The following ACACB variants were observed in gnomAD, a reference collection of about 807,000 sequenced individuals.
The protein encoded by ACACB is acetyl-CoA carboxylase 2.
Under a neutral mutation model 278.8 loss-of-function variants are expected in ACACB, and 209 were observed. The observed-to-expected ratio is 0.75, with a 90% CI of 0.67 to 0.84. The LOEUF is 0.84. Among genes scored for constraint, ACACB ranks in the 40% least tolerant of loss-of-function variants. ACACB has a pLI of 0.00. For synonymous variants in ACACB, 1,174 were observed against 1,285.6 expected, an observed-to-expected ratio of 0.91 and a Z score of 1.86; for missense variants, 2,850 against 3,269.0, an observed-to-expected ratio of 0.87 and a Z score of 3.13.
chr12:109,145,704 T>A lies in ACACB; in HGVS notation c.653+5646T>A, dbSNP rs534035679. ...TCCAGGAACTCCTTCTGAAAAAAAA[T>A]ATTATTTTTCTTGAGGCCAGGCACG... On this transcript the variant is annotated intron_variant, in intron 2 of 52. Transcript: ENST00000338432. 2.0e-5 allele frequency among the ~76,000 whole-genome samples: 3 copies of A among 151,864 alleles called. No individual in the cohort carries two copies. The South Asian group carries it at 6.2e-4, about 32-fold the overall frequency.
intron 41 of ACACB, among the ~76,000 whole-genome samples, chr12:109,250,581 G>A (rs1158640911): frequency 6.6e-6 from 1 of 152,148 alleles, no homozygotes; most frequent in African/African-American, 2.4e-5. Context: ...ATAAGGAGTA[G>A]TCCCCATCCC....
chr12:109,128,424 G>A (rs996341159), intron 1 of ACACB, among the ~76,000 whole-genome samples: 2 of 151,858 alleles, frequency 1.3e-5, no homozygotes, highest in African/African-American at 4.8e-5. Context: ...TGCAACTTCC[G>A]CCTCCTGGGT....
intron 2 of ACACB, among the ~76,000 whole-genome samples, chr12:109,152,648 T>TTTC (rs1449839986): frequency 1.4e-4 from 17 of 125,382 alleles, no homozygotes; most frequent in Non-Finnish European, 2.2e-4. Flanking sequence ...TTCTTTTTTT[T>TTTC]TTTTTTTTTT....
intron 20 of ACACB, among the ~76,000 whole-genome samples, chr12:109,207,305 A>G (rs921207787): frequency 2.0e-5 from 3 of 152,200 alleles, no homozygotes; most frequent in Non-Finnish European, 2.9e-5. Context: ...CCTCAATTCA[A>G]TTGTAAACAT....
intron 21 of ACACB, among the ~76,000 whole-genome samples, chr12:109,210,597 ATG>A (rs992799113): frequency 1.3e-5 from 2 of 149,282 alleles, no homozygotes; most frequent in African/African-American, 2.4e-5. Context: ...AAACATATAT[ATG>A]TATATATATA....
At chr12:109,240,099 C>T (rs554754852) in intron 35 of ACACB, 114 bp downstream of exon 35, 27 of 1,241,388 alleles carry the variant, frequency 2.2e-5, no homozygotes, top group East Asian at 5.1e-5. Context: ...TGAAACCATG[C>T]GTATCTGAGC....
intron 16 of ACACB, 134 bp from the exon 17 acceptor site, chr12:109,196,874 G>A (rs2045149346): frequency 1.9e-6 from 2 of 1,074,968 alleles, no homozygotes; most frequent in Non-Finnish European, 2.5e-6. Flanking sequence ...GTGAGGGCTG[G>A]GTCCGAGAGA....
At chr12:109,114,703 TA>T (rs936504793), upstream of ACACB, among the ~76,000 whole-genome samples, 1 of 151,780 alleles carries the variant, frequency 6.6e-6, no homozygotes. Flanking sequence ...TTTTTTTTTT[TA>T]ATTAGCCAGG....
intron 1 of ACACB, among the ~76,000 whole-genome samples, chr12:109,122,789 T>C (rs2042581769): frequency 1.3e-5 from 2 of 152,202 alleles, no homozygotes; most frequent in African/African-American, 4.8e-5. Context: ...GGTCCCCCAA[T>C]GCATTCATCA....
intron 24 of ACACB, among the ~76,000 whole-genome samples, chr12:109,222,016 T>C (rs981591827): frequency 2.0e-5 from 3 of 151,556 alleles, no homozygotes; most frequent in Non-Finnish European, 4.4e-5. Flanking sequence ...GCCTTCTGAG[T>C]AGCTGGGACT....
intron 21 of ACACB, among the ~76,000 whole-genome samples, chr12:109,211,901 G>GT (rs144186987): frequency 7.9e-5 from 12 of 151,592 alleles, no homozygotes; most frequent in African/African-American, 1.7e-4. Flanking sequence ...ATTGATCCAG[G>GT]TTTTTTTTTC....
chr12:109,146,233 C>T lies in ACACB; in HGVS notation c.653+6175C>T, dbSNP rs73415119. ...GTATTTATTTGAGGGTTCTGACTCA[C>T]GTGGAAGCCACAGTGAAGAAGTGAC... On this transcript the variant is annotated intron_variant, in intron 2 of 52. Coordinates refer to ENST00000338432, the MANE Select transcript of ACACB (RefSeq NM_001093.4). 7.4e-3 allele frequency among the ~76,000 whole-genome samples: 1,121 copies of T among 152,272 alleles called. 22 individuals are homozygous for T. Among genetic ancestry groups the T allele is most frequent in the African/African-American group, 0.025 (1,056 of 41,554 alleles).
rs201374635 is a variant in ACACB, at chr12:109,252,006, C to T, written c.5791-40C>T. The T allele has an allele frequency of 5.5e-5, 82 of 1,503,062 alleles. No homozygotes were observed. The East Asian group carries it at 9.7e-4, about 18-fold the overall frequency. The allele number at this position is 1,503,062 out of a possible 1,614,324, so 93.1% of individuals were successfully genotyped here. A position where few individuals can be genotyped will look rare whatever the true frequency, so the allele number is the denominator to read the frequency against. On this transcript the variant is annotated intron_variant, in intron 41 of 52. Transcript: ENST00000338432. ...TCCCTGCTGTGGGGGGTGGGTCCCT[C>T]GCCACTCTCCAGAATTCAGAGGGGG...
intron 28 of ACACB, among the ~76,000 whole-genome samples, chr12:109,231,574 C>A (rs1414803613): frequency 6.6e-6 from 1 of 152,036 alleles, no homozygotes; most frequent in Non-Finnish European, 1.5e-5. Flanking sequence ...GTGTCAGGGT[C>A]CCCAAAAGCA....
rs1241536370 is a variant in ACACB at position 109,241,125 on chromosome 12, G to A, written c.4866G>A (p.Leu1622=). The change falls in exon 36 of 53, where the codon CTG becomes CTA. Residue 1622 remains leucine, a synonymous_variant. Coordinates refer to ENST00000338432, the MANE Select transcript of ACACB (RefSeq NM_001093.4). ...RYMVMRYGSR[L]WKLRVLQAEV... ...TGGTTATGCGCTACGGCAGCCGGCT[G>A]TGGAAACTCCGTGTGCTACAGGCTG... The A allele has an allele frequency of 1.2e-6, 2 of 1,614,152 alleles. No individual in the cohort carries two copies. Among genetic ancestry groups the A allele is most frequent in the Non-Finnish European group, 1.7e-6 (2 of 1,180,028 alleles).
intron 13 of ACACB, among the ~76,000 whole-genome samples, chr12:109,189,865 C>T (rs2044802941): frequency 6.6e-6 from 1 of 152,210 alleles, no homozygotes; most frequent in Non-Finnish European, 1.5e-5. Flanking sequence ...AATCCCAGCA[C>T]TTTGGGAGGC....
intron 18 of ACACB, among the ~76,000 whole-genome samples, chr12:109,201,056 G>A (rs913412192): frequency 2.0e-5 from 3 of 152,190 alleles, no homozygotes; most frequent in Non-Finnish European, 2.9e-5. Context: ...CTCTGCGGCC[G>A]CCACCATGGT....
At chr12:109,266,001 G>T (rs982995410) in intron 52 of ACACB, among the ~76,000 whole-genome samples, 1 of 152,246 alleles carries the variant, frequency 6.6e-6, no homozygotes, top group Non-Finnish European at 1.5e-5. Flanking sequence ...GCAGTGTCTT[G>T]TCTCAGGTCA....
Position 109,189,703 on chromosome 12 carries a change from C to T in ACACB, c.2144+1541C>T, listed in dbSNP as rs559512600. Among the ~76,000 whole-genome samples, 7 of 152,284 alleles carry T rather than the reference C, an allele frequency of 4.6e-5. No individual in the cohort carries two copies. The South Asian group carries it at 1.5e-3, about 32-fold the overall frequency. On this transcript the variant is annotated intron_variant, in intron 13 of 52. Transcript: ENST00000338432. ...CAGACCCACAGCTGACTTTTCATGGCCTATGGATACCCTTGTATGACCTTA... is the reference window on the plus strand; with the variant it reads ...CAGACCCACAGCTGACTTTTCATGGTCTATGGATACCCTTGTATGACCTTA...
Sources: gnomAD v4.1 joint callset for allele counts (sites outside exome capture counted in the v4.1 genomes callset) on GRCh38, gnomAD v4.1.1 for gene constraint, MANE v1.5 for transcripts, NCBI Gene and HGNC (gene_info 2026-07-23, HGNC 2026-07-21) for gene names.